SLCO3A1: variants seen among roughly 807,000 people sequenced by gnomAD.
SLCO3A1 encodes PGE1 transporter.
SLCO3A1 carries 27 observed loss-of-function variants against 63.1 expected under a neutral mutation model. The observed-to-expected ratio is 0.43, with a 90% CI of 0.32 to 0.59. The LOEUF (loss-of-function observed/expected upper bound fraction) is 0.59. SLCO3A1 is among the 20% of genes least tolerant of loss of function. The pLI is 0.09. For missense variants in SLCO3A1, 773 were observed against 945.8 expected (o/e 0.82, Z 2.40); for synonymous variants, 473 against 409.9 (o/e 1.15, Z -1.86).
At position 92,112,578 on chromosome 15, in the gene SLCO3A1, A is replaced by G. The variant is rs149018566; in HGVS notation, c.1010-7887A>G. Among the ~76,000 whole-genome samples, 177 of 152,316 alleles carry G rather than the reference A, an allele frequency of 1.2e-3. 1 individual carries two copies. The highest frequency in any genetic ancestry group is 2.1e-3 in the Admixed American group (32 of 15,308). On this transcript the variant is annotated intron_variant, in intron 4 of 9. Transcript: ENST00000318445. ...ATTCTGTGTGAACTCCCAATTGCCA[A>G]TGAATGCCAGAAGCAGTGGGGGGTT... is the stretch of plus-strand genomic sequence containing the variant.
At chr15:91,946,133 C>G (rs1392237670) in intron 2 of SLCO3A1, among the ~76,000 whole-genome samples, 1 of 152,220 alleles carries the variant, frequency 6.6e-6, no homozygotes, top group African/African-American at 2.4e-5. Context: ...AGTGTGTCCC[C>G]AGGTCACCTT....
intron 8 of SLCO3A1, chr15:92,148,691 C>G (rs543306383): frequency 4.8e-4 from 73 of 152,222 alleles, no homozygotes; most frequent in African/African-American, 1.7e-3. Flanking sequence ...TTCAGTAACC[C>G]TACCCCTTGC....
At chr15:91,937,068 T>A (rs1434420434) in intron 2 of SLCO3A1, among the ~76,000 whole-genome samples, 1 of 152,178 alleles carries the variant, frequency 6.6e-6, no homozygotes, top group Non-Finnish European at 1.5e-5. Flanking sequence ...CCCTTTCTTT[T>A]GGGTTTTATC....
chr15:91,991,882 A>G (rs1275400603), intron 2 of SLCO3A1, among the ~76,000 whole-genome samples: 1 of 151,712 alleles, frequency 6.6e-6, no homozygotes, highest in Non-Finnish European at 1.5e-5. Flanking sequence ...GTAGAGCTAG[A>G]TAAGTTGAAT....
intron 2 of SLCO3A1, among the ~76,000 whole-genome samples, chr15:92,017,288 G>GGC (rs973718927): frequency 6.6e-6 from 1 of 151,982 alleles, no homozygotes; most frequent in Non-Finnish European, 1.5e-5. Flanking sequence ...CTGGGATTGG[G>GGC]GGGGGGTAGG....
At chr15:91,999,300 A>G (rs2046226114) in intron 2 of SLCO3A1, among the ~76,000 whole-genome samples, 1 of 152,250 alleles carries the variant, frequency 6.6e-6, no homozygotes, top group African/African-American at 2.4e-5. Context: ...AAATTATTTT[A>G]AAAATTAAAA....
At position 91,854,271 on chromosome 15, in the gene SLCO3A1, G is replaced by T. The variant is rs1225567672; in HGVS notation, c.180+183G>T. The T allele has an allele frequency of 3.5e-6, 4 of 1,146,784 alleles. No homozygotes were observed. In the East Asian group the frequency reaches 1.2e-4, roughly 33 times the overall value. 71.0% of individuals were successfully genotyped at this position (1,146,784 alleles called of 1,614,324 possible). ...GGAGCTGCCGGCCGGGGCTGCCAGC[G>T]AGCGGGTAGCGGGCGGGACCGTTGA... On this transcript the variant is annotated intron_variant, in intron 1 of 9. Transcript: ENST00000318445. This position sits in a 1 kb window ranked among gnomAD's most constrained non-coding sequence, Gnocchi z 6.4.
chr15:92,095,399 G>GTGTTC (rs1567116912), intron 3 of SLCO3A1, among the ~76,000 whole-genome samples: 2 of 152,232 alleles, frequency 1.3e-5, no homozygotes, highest in Non-Finnish European at 2.9e-5. Context: ...GTTGGAGCAT[G>GTGTTC]TGTTCTGGAG....
rs2141841206 is a variant in SLCO3A1, at chr15:91,863,023, C to G, written c.180+8935C>G. Among the ~76,000 whole-genome samples, 1 of 152,306 alleles carries G rather than the reference C, an allele frequency of 6.6e-6. No individual in the cohort carries two copies. The highest frequency in any genetic ancestry group is 2.1e-4 in the South Asian group (1 of 4,826). On this transcript the variant is annotated intron_variant, in intron 1 of 9. Transcript: ENST00000318445. This position sits in a 1 kb window ranked among gnomAD's most constrained non-coding sequence, Gnocchi z 4.3. The stretch of plus-strand genomic sequence containing the variant: ...TTGAAATTGGGAGAGCTGCCCTCAG[C>G]TGATTATATAAGCTATAAAATACAG...
intron 2 of SLCO3A1, among the ~76,000 whole-genome samples, chr15:92,026,376 G>A (rs1343885011): frequency 1.3e-5 from 2 of 152,216 alleles, no homozygotes; most frequent in African/African-American, 4.8e-5. Context: ...TCACTAAGGA[G>A]ACAGAAGTGA....
In SLCO3A1 at chr15:92,147,114, T is replaced by A; in HGVS notation, c.1643T>A (p.Leu548Gln). Residue 548 changes from leucine (L) to glutamine (Q), a missense_variant, in exon 8 of 10, where the codon CTG (leucine) becomes CAG (glutamine). This residue lies in a region of SLCO3A1 where 565 missense variants were observed against 749.8 expected (regional missense o/e 0.75). Coordinates refer to ENST00000318445, the MANE Select transcript of SLCO3A1 (RefSeq NM_013272.4). ...CTCTGTGTGATGTGTATCTGCAGCC[T>A]GATCGGTGCCATGGCACAGACACCC... is the stretch of plus-strand genomic sequence containing the variant. ...TFLCVMCICSLIGAMAQTPSV... is the reference protein window; with the variant it reads ...TFLCVMCICSQIGAMAQTPSV... The A allele has an allele frequency of 6.2e-7, 1 of 1,612,538 alleles. No homozygotes were observed. The highest frequency in any genetic ancestry group is 8.5e-7 in the Non-Finnish European group (1 of 1,179,962).
At chr15:92,144,904 C>G (rs2048200528) in intron 7 of SLCO3A1, among the ~76,000 whole-genome samples, 1 of 152,068 alleles carries the variant, frequency 6.6e-6, no homozygotes, top group African/African-American at 2.4e-5. Context: ...GAGATGTGAT[C>G]AAATGCAGAG....
intron 1 of SLCO3A1, among the ~76,000 whole-genome samples, chr15:91,879,193 T>C (rs1262781080): frequency 6.6e-6 from 1 of 152,146 alleles, no homozygotes; most frequent in Non-Finnish European, 1.5e-5. Context: ...GGCATAAGGG[T>C]TCTACTAAAA....
In SLCO3A1 at chr15:92,165,172, G is replaced by C. The variant is rs528587781; in HGVS notation, c.*2037G>C. On this transcript the variant is annotated 3_prime_UTR_variant, in exon 10 of 10. Transcript: ENST00000318445. ...CAACCAAAAGAAAAGCTGTGTCGTG[G>C]TATGGGGCCACCGTGATCAGCTACC... is the stretch of plus-strand genomic sequence containing the variant. The C allele has an allele frequency of 2.4e-5, 24 of 985,292 alleles. No homozygotes were observed. Among genetic ancestry groups the C allele is most frequent in the Admixed American group, 6.2e-5 (1 of 16,258 alleles). The allele number at this position is 985,292 out of a possible 1,614,324, so 61.0% of individuals were successfully genotyped here.
chr15:91,933,692 G>A (rs943824881), intron 2 of SLCO3A1, among the ~76,000 whole-genome samples: 1 of 152,140 alleles, frequency 6.6e-6, no homozygotes, highest in African/African-American at 2.4e-5. Flanking sequence ...ACTCATTCTT[G>A]TAACAACAGT....
chr15:91,895,329 T>C (rs566130355), intron 1 of SLCO3A1, among the ~76,000 whole-genome samples: 1 of 152,294 alleles, frequency 6.6e-6, no homozygotes, highest in African/African-American at 2.4e-5. Context: ...GTGGTTCCTC[T>C]AGCTGTGGGT....
At chr15:92,099,627 G>A (rs913112658) in intron 3 of SLCO3A1, among the ~76,000 whole-genome samples, 2 of 152,104 alleles carry the variant, frequency 1.3e-5, no homozygotes, top group African/African-American at 4.8e-5. Context: ...GAAATGGGTG[G>A]AAATCTCCAT....
At position 91,947,365 on chromosome 15, in the gene SLCO3A1, G is replaced by A. The variant is rs78889995; in HGVS notation, c.646+30907G>A. 5.6e-3 allele frequency among the ~76,000 whole-genome samples: 854 copies of A among 152,282 alleles called. 48 individuals are homozygous for A. In the East Asian group the frequency reaches 0.12, roughly 22 times the overall value. On this transcript the variant is annotated intron_variant, in intron 2 of 9. Transcript: ENST00000318445. Reference sequence around the variant, plus strand: ...TTGTGGGAATCCTCAGGCCTTTCCCGAACAAGCTCCCGTGCTCTTGGTCTG... The same window carrying A: ...TTGTGGGAATCCTCAGGCCTTTCCCAAACAAGCTCCCGTGCTCTTGGTCTG...
At chr15:91,906,928 G>GTT (rs10713499) in intron 1 of SLCO3A1, among the ~76,000 whole-genome samples, 1 of 147,562 alleles carries the variant, frequency 6.8e-6, no homozygotes, top group Non-Finnish European at 1.5e-5. Context: ...TAAATTGAGT[G>GTT]TTTTTTTTTT....
Sources: allele counts gnomAD v4.1 joint callset (sites outside exome capture counted in the v4.1 genomes callset), GRCh38; gene constraint gnomAD v4.1.1; regional missense constraint gnomAD v4.1.1; non-coding constraint Gnocchi (gnomAD v3.1); transcripts MANE v1.5; gene names NCBI Gene and HGNC (gene_info 2026-07-23, HGNC 2026-07-21).